HNF4G: variants seen among roughly 807,000 people sequenced by gnomAD.
The protein encoded by HNF4G is hepatocyte nuclear factor 4 gamma, also known as hepatocyte nuclear factor 4-gamma.
HNF4G carries 21 observed loss-of-function variants against 50.9 expected under a neutral mutation model. The observed-to-expected ratio is 0.41, with a 90% CI of 0.29 to 0.59. The LOEUF (loss-of-function observed/expected upper bound fraction) is 0.59, where lower values mean the gene tolerates loss of function less well. Among genes scored for constraint, HNF4G ranks in the 20% least tolerant of loss-of-function variants. HNF4G has a pLI of 0.26. For missense variants in HNF4G, 527 were observed against 559.4 expected, an observed-to-expected ratio of 0.94 and a Z score of 0.58; for synonymous variants, 198 against 185.6, an observed-to-expected ratio of 1.07 and a Z score of -0.54.
At chr8:75,479,893 T>TA (rs1812334859) in intron 1 of HNF4G, among the ~76,000 whole-genome samples, 1 of 152,178 alleles carries the variant, frequency 6.6e-6, no homozygotes. Flanking sequence ...TCATGACACT[T>TA]TTAATTGATT....
chr8:75,494,028 T>C (rs1440090070), intron 2 of HNF4G, among the ~76,000 whole-genome samples: 1 of 152,140 alleles, frequency 6.6e-6, no homozygotes. Flanking sequence ...GTATTGCTAT[T>C]TCAAATAGTA....
At chr8:75,459,076 A>G (rs947257714) in intron 1 of HNF4G, among the ~76,000 whole-genome samples, 1 of 152,178 alleles carries the variant, frequency 6.6e-6, no homozygotes, top group African/African-American at 2.4e-5. Flanking sequence ...GACTACATTC[A>G]TTCAACAAAT....
chr8:75,535,352 A>AT (rs10695174), upstream of HNF4G, among the ~76,000 whole-genome samples: 2,061 of 150,874 alleles, frequency 0.014, 79 homozygotes, highest in East Asian at 0.16. Flanking sequence ...AGGAAATATG[A>AT]TTTTTTTTTA....
intron 1 of HNF4G, among the ~76,000 whole-genome samples, chr8:75,486,863 G>A (rs1003799124): frequency 2.0e-5 from 3 of 152,258 alleles, no homozygotes; most frequent in African/African-American, 7.2e-5. Context: ...TTAGCTGGGT[G>A]TGGTGGCATG....
chr8:75,424,686 A>G (rs1810851442), intron 1 of HNF4G, among the ~76,000 whole-genome samples: 1 of 152,214 alleles, frequency 6.6e-6, no homozygotes, highest in African/African-American at 2.4e-5. Context: ...AATGGCCTCC[A>G]GTTGCATCCA....
chr8:75,481,038 G>T (rs1382942103), intron 1 of HNF4G, among the ~76,000 whole-genome samples: 3 of 152,108 alleles, frequency 2.0e-5, no homozygotes, highest in African/African-American at 7.2e-5. Context: ...TCTCACCAGA[G>T]GATGGAATTA....
At chr8:75,486,734 T>C (rs1040903254) in intron 1 of HNF4G, among the ~76,000 whole-genome samples, 1 of 152,308 alleles carries the variant, frequency 6.6e-6, no homozygotes, top group South Asian at 2.1e-4. Flanking sequence ...CCAGGCATGG[T>C]GGCTCATGCC....
intron 9 of HNF4G, among the ~76,000 whole-genome samples, chr8:75,560,869 T>C (rs184599843): frequency 5.3e-5 from 8 of 152,284 alleles, no homozygotes; most frequent in Admixed American, 2.0e-4. Context: ...TCTCTTAATG[T>C]TTATGGAGAC....
chr8:75,514,446 G>A (rs1429062600), intron 2 of HNF4G, among the ~76,000 whole-genome samples: 3 of 147,462 alleles, frequency 2.0e-5, no homozygotes, highest in East Asian at 2.0e-4. Flanking sequence ...TCCACCTCCC[G>A]GGTTCAAGCA....
intron 6 of HNF4G, among the ~76,000 whole-genome samples, chr8:75,557,241 A>T (rs965110042): frequency 6.6e-6 from 1 of 152,188 alleles, no homozygotes; most frequent in African/African-American, 2.4e-5. Context: ...AGTGAAACTC[A>T]AAAAAAGATA....
At chr8:75,560,613 T>C (rs776200091) in intron 9 of HNF4G, 147 bp downstream of exon 9, 75 of 643,246 alleles carry the variant, frequency 1.2e-4, no homozygotes, top group Non-Finnish European at 1.8e-4. Context: ...AGACTGTTAT[T>C]CAGCTTGTCA....
Position 75,547,621 on chromosome 8 carries a change from A to G in HNF4G, c.322A>G (p.Arg108Gly). Reference sequence around the variant, plus strand: ...GCAATGTGTTGTTGACAAGGACAAAAGGAATCAATGTAGATATTGTCGATT... The same window carrying G: ...GCAATGTGTTGTTGACAAGGACAAAGGGAATCAATGTAGATATTGTCGATT... ...SRQCVVDKDK[R>G]NQCRYCRLRK... The change falls in exon 3 of 10, where the codon AGG becomes GGG. Residue 108 changes from arginine to glycine, a missense_variant. By Grantham distance (125) the Arg-to-Gly change is moderately radical (BLOSUM62 -2). Coordinates refer to ENST00000396423, the MANE Select transcript of HNF4G (RefSeq NM_004133.5). The G allele has an allele frequency of 6.2e-7, 1 of 1,612,234 alleles. No homozygotes were observed. Among genetic ancestry groups the G allele is most frequent in the Non-Finnish European group, 8.5e-7 (1 of 1,178,410 alleles).
At chr8:75,527,651 A>G (rs1806218688) in intron 2 of HNF4G, among the ~76,000 whole-genome samples, 1 of 152,168 alleles carries the variant, frequency 6.6e-6, no homozygotes, top group Non-Finnish European at 1.5e-5. Flanking sequence ...CCATTAGTAA[A>G]TTTCATTATA....
chr8:75,454,242 G>A (rs1227879344), intron 1 of HNF4G, among the ~76,000 whole-genome samples: 1 of 151,984 alleles, frequency 6.6e-6, no homozygotes, highest in African/African-American at 2.4e-5. Flanking sequence ...CCTGATTTTG[G>A]ACTTACAGTC....
chr8:75,449,826 G>T (rs79880096), intron 1 of HNF4G, among the ~76,000 whole-genome samples: 1 of 152,016 alleles, frequency 6.6e-6, no homozygotes, highest in Admixed American at 6.6e-5. Context: ...AATATTTTTT[G>T]TTGTGAGATT....
At chr8:75,544,847 G>A (rs1806728512) in intron 2 of HNF4G, among the ~76,000 whole-genome samples, 2 of 151,944 alleles carry the variant, frequency 1.3e-5, no homozygotes, top group Admixed American at 1.3e-4. Flanking sequence ...GTAGAATTAT[G>A]TTCTTTTAAG....
At chr8:75,520,311 A>C (rs889391371) in intron 2 of HNF4G, among the ~76,000 whole-genome samples, 8 of 152,066 alleles carry the variant, frequency 5.3e-5, no homozygotes, top group Admixed American at 5.2e-4. Context: ...TTTTTCTTTC[A>C]CTATTCTTAT....
intron 1 of HNF4G, among the ~76,000 whole-genome samples, chr8:75,462,640 T>C (rs963496616): frequency 6.6e-6 from 1 of 152,232 alleles, no homozygotes; most frequent in Non-Finnish European, 1.5e-5. Flanking sequence ...AATATGTCAA[T>C]ATAATTTAGT....
Position 75,565,015 on chromosome 8 carries a change from T to C in HNF4G, c.*919T>C, listed in dbSNP as rs1404317334. On this transcript the variant is annotated 3_prime_UTR_variant, in exon 10 of 10. Transcript: ENST00000396423. ...ACAAGTTAGCCATCTACCACCCATG[T>C]CCCTTATTTGGTCCTCACAATAACA... 6.6e-6 allele frequency: 1 copy of C among 152,184 alleles called. No individual in the cohort carries two copies. The highest frequency in any genetic ancestry group is 1.5e-5 in the Non-Finnish European group (1 of 68,032). The allele number at this position is 152,184 out of a possible 1,614,324, so 9.4% of individuals were successfully genotyped here. A position where few individuals can be genotyped will look rare whatever the true frequency, so the allele number is the denominator to read the frequency against.
Sources: allele counts gnomAD v4.1 joint callset (sites outside exome capture counted in the v4.1 genomes callset), GRCh38; gene constraint gnomAD v4.1.1; transcripts MANE v1.5; gene names NCBI Gene and HGNC (gene_info 2026-07-23, HGNC 2026-07-21).